The following SERTAD4 variants were observed in gnomAD, a reference collection of about 807,000 sequenced individuals.
The protein encoded by SERTAD4 is SERTA domain containing 4, also known as SERTA domain-containing protein 4.
Under a neutral mutation model 32.9 loss-of-function variants are expected in SERTAD4, and 18 were observed. That is an observed-to-expected ratio of 0.55 (90% CI 0.38 to 0.81). The LOEUF (loss-of-function observed/expected upper bound fraction) is 0.81. SERTAD4 is among the 30% of genes least tolerant of loss of function. SERTAD4 has a pLI of 0.00. For synonymous variants in SERTAD4, 150 were observed against 156.4 expected (o/e 0.96, Z 0.30); for missense variants, 383 against 426.0 (o/e 0.90, Z 0.89).
chr1:210,233,480 A>G (rs1434955171), intron 1 of SERTAD4, among the ~76,000 whole-genome samples: 1 of 152,088 alleles, frequency 6.6e-6, no homozygotes, highest in Non-Finnish European at 1.5e-5. Context: ...GTGGGGAGAG[A>G]GGGATTGTGG....
intron 1 of SERTAD4, among the ~76,000 whole-genome samples, chr1:210,235,245 G>A (rs926594695): frequency 2.0e-5 from 3 of 152,202 alleles, no homozygotes; most frequent in Non-Finnish European, 2.9e-5. Flanking sequence ...TTATCAGACA[G>A]AGAATTATGA....
chr1:210,233,664 C>G (rs565539414), intron 1 of SERTAD4: 2 of 470,068 alleles, frequency 4.3e-6, no homozygotes, highest in South Asian at 1.6e-5. Context: ...TGCTGCCCGC[C>G]TGGTCCACGC....
chr1:210,239,483 A>G lies in SERTAD4; in HGVS notation c.176-10A>G. The G allele has an allele frequency of 6.7e-7, 1 of 1,492,350 alleles. No homozygotes were observed. Among genetic ancestry groups the G allele is most frequent in the South Asian group, 1.2e-5 (1 of 86,418 alleles). 92.4% of individuals were successfully genotyped at this position (1,492,350 alleles called of 1,614,324 possible). A position where few individuals can be genotyped will look rare whatever the true frequency, so the allele number is the denominator to read the frequency against. ...GCATGTCATTTGTCATATCTGATTT[A>G]TTACCACAGGATCACATTACAGGGG... On this transcript the variant is annotated splice_polypyrimidine_tract_variant and intron_variant, in intron 2 of 3. Transcript: ENST00000367012.
chr1:210,235,281 G>A (rs989564998), intron 1 of SERTAD4, among the ~76,000 whole-genome samples: 2 of 152,086 alleles, frequency 1.3e-5, no homozygotes, highest in South Asian at 2.1e-4. Context: ...CATATAATAC[G>A]AAGAAAGATT....
chr1:210,241,535 T>TC, intron 3 of SERTAD4, 23 bp from the exon 4 acceptor site: 3 of 572,250 alleles, frequency 5.2e-6, no homozygotes, highest in Non-Finnish European at 7.4e-6. Context: ...TGTTTTTTTC[T>TC]TTTTTTTTTT....
At position 210,242,377 on chromosome 1, in the gene SERTAD4, T is replaced by G; in HGVS notation, c.*40T>G. 6.6e-7 allele frequency: 1 copy of G among 1,522,130 alleles called. No individual in the cohort carries two copies. Among genetic ancestry groups the G allele is most frequent in the Non-Finnish European group, 8.8e-7 (1 of 1,139,406 alleles). 94.3% of individuals were successfully genotyped at this position (1,522,130 alleles called of 1,614,324 possible). On this transcript the variant is annotated 3_prime_UTR_variant, in exon 4 of 4. Coordinates refer to ENST00000367012, the MANE Select transcript of SERTAD4 (RefSeq NM_019605.5). This position sits in a 1 kb window ranked among gnomAD's most constrained non-coding sequence, Gnocchi z 4.0. Reference sequence around the variant, plus strand: ...GAACTTTGAAGCATGCACAGCATGATCAGTTAGCTCTCGTAAATTTTATTT... The same window carrying G: ...GAACTTTGAAGCATGCACAGCATGAGCAGTTAGCTCTCGTAAATTTTATTT...
intron 1 of SERTAD4, chr1:210,233,661 C>T (rs774524646): frequency 2.1e-6 from 1 of 469,884 alleles, no homozygotes; most frequent in East Asian, 7.0e-5. Flanking sequence ...GGCTGCTGCC[C>T]GCCTGGTCCA....
chr1:210,242,624 A>G lies in SERTAD4; in HGVS notation c.*287A>G. 1 of 1,126,496 alleles carries G rather than the reference A, an allele frequency of 8.9e-7. No individual in the cohort carries two copies. Among genetic ancestry groups the G allele is most frequent in the Non-Finnish European group, 1.1e-6 (1 of 922,326 alleles). The allele number at this position is 1,126,496 out of a possible 1,614,324, so 69.8% of individuals were successfully genotyped here. A position where few individuals can be genotyped will look rare whatever the true frequency, so the allele number is the denominator to read the frequency against. On this transcript the variant is annotated 3_prime_UTR_variant, in exon 4 of 4. Coordinates refer to ENST00000367012, the MANE Select transcript of SERTAD4 (RefSeq NM_019605.5). This position sits in a 1 kb window ranked among gnomAD's most constrained non-coding sequence, Gnocchi z 4.0. ...GATCAGTAGATGAGATTGGGGGACA[A>G]TGTGCCCTTGCAATATTTCCATTGC... is the stretch of plus-strand genomic sequence containing the variant.
At chr1:210,233,238 C>A (rs1051077607) in intron 1 of SERTAD4, among the ~76,000 whole-genome samples, 1 of 152,048 alleles carries the variant, frequency 6.6e-6, no homozygotes, top group Non-Finnish European at 1.5e-5. Context: ...GCGGCGCGGG[C>A]TTTTCCCTGG....
chr1:210,239,500 T>C lies in SERTAD4; in HGVS notation c.183T>C (p.His61=). 1.3e-6 allele frequency: 2 copies of C among 1,580,852 alleles called. No individual in the cohort carries two copies. The highest frequency in any genetic ancestry group is 8.7e-7 in the Non-Finnish European group (1 of 1,151,798). ...RGAGPPLAGS[H]YRGISNPITT... ...TCTGATTTATTACCACAGGATCACA[T>C]TACAGGGGAATTTCAAATCCTATAA... Residue 61 remains histidine (H), a synonymous_variant, in exon 3 of 4, where the codon CAT becomes CAC. Transcript: ENST00000367012.
At chr1:210,240,463 G>C (rs1571549633) in intron 3 of SERTAD4, among the ~76,000 whole-genome samples, 1 of 152,310 alleles carries the variant, frequency 6.6e-6, no homozygotes, top group East Asian at 1.9e-4. Flanking sequence ...TGCATTGGTA[G>C]GTACTGGGCT....
intron 1 of SERTAD4, among the ~76,000 whole-genome samples, chr1:210,234,198 G>T (rs116479709): frequency 0.024 from 3,585 of 151,882 alleles, 159 homozygotes; most frequent in African/African-American, 0.082. Context: ...GACACCCCGG[G>T]GGTGTGTCTG....
intron 1 of SERTAD4, among the ~76,000 whole-genome samples, chr1:210,236,171 T>C (rs1447788427): frequency 6.6e-6 from 1 of 152,228 alleles, no homozygotes; most frequent in African/African-American, 2.4e-5. Context: ...CTAAATTTCT[T>C]TGTTGATGAC....
Position 210,243,183 on chromosome 1 carries a change from A to ACAT in SERTAD4, c.*848_*850dup, listed in dbSNP as rs1216808782. 1 of 949,080 alleles carries ACAT rather than the reference A, an allele frequency of 1.1e-6. No homozygotes were observed. Among genetic ancestry groups the ACAT allele is most frequent in the Non-Finnish European group, 1.3e-6 (1 of 798,566 alleles). 58.8% of individuals were successfully genotyped at this position (949,080 alleles called of 1,614,324 possible). On this transcript the variant is annotated 3_prime_UTR_variant, in exon 4 of 4. Coordinates refer to ENST00000367012, the MANE Select transcript of SERTAD4 (RefSeq NM_019605.5). ...ACTATTGTGTTCAGCTTTTGATTCG[A>ACAT]CATCTCTATTCTTTATTTTTGATGC... is the stretch of plus-strand genomic sequence containing the variant.
chr1:210,233,566 C>T, intron 1 of SERTAD4: 1 of 417,794 alleles, frequency 2.4e-6, no homozygotes, highest in South Asian at 1.7e-5. Flanking sequence ...CCACCTCCGC[C>T]CCCGCACCCT....
In SERTAD4 at chr1:210,241,715, G is replaced by A. The variant is rs1255918769; in HGVS notation, c.449G>A (p.Cys150Tyr). ...GAAATTATCATGCAGAATAACTGGT[G>A]CTTCCCTGCCTGCTCTTTCAATGGC... ...HGEIIMQNNW[C>Y]FPACSFNGTS... is the part of the protein sequence containing the mutation. The change falls in exon 4 of 4, where the codon TGC becomes TAC. Residue 150 changes from cysteine (C) to tyrosine (Y), a missense_variant. Physicochemically the swap from Cys to Tyr is radical, Grantham distance 194 (BLOSUM62 -2). Coordinates refer to ENST00000367012, the MANE Select transcript of SERTAD4 (RefSeq NM_019605.5). The A allele has an allele frequency of 6.2e-7, 1 of 1,614,020 alleles. No homozygotes were observed. Among genetic ancestry groups the A allele is most frequent in the Non-Finnish European group, 8.5e-7 (1 of 1,179,998 alleles).
At chr1:210,239,824 A>C (rs2083977761) in intron 3 of SERTAD4, among the ~76,000 whole-genome samples, 1 of 152,236 alleles carries the variant, frequency 6.6e-6, no homozygotes, top group Admixed American at 6.5e-5. Context: ...CTACCCAGAA[A>C]TGTCAAAATT....
chr1:210,237,515 G>A (rs1251734111), intron 1 of SERTAD4: 1 of 167,384 alleles, frequency 6.0e-6, no homozygotes, highest in Non-Finnish European at 1.3e-5. Flanking sequence ...TTGATTAGTG[G>A]ATTTCATCAA....
chr1:210,239,137 T>C (rs1260096675), intron 2 of SERTAD4, among the ~76,000 whole-genome samples: 1 of 152,216 alleles, frequency 6.6e-6, no homozygotes, highest in African/African-American at 2.4e-5. Flanking sequence ...TGGTGCTATG[T>C]TGTCATGAAT....
Sources: allele counts gnomAD v4.1 joint callset (sites outside exome capture counted in the v4.1 genomes callset), GRCh38; gene constraint gnomAD v4.1.1; non-coding constraint Gnocchi (gnomAD v3.1); transcripts MANE v1.5; gene names NCBI Gene and HGNC (gene_info 2026-07-23, HGNC 2026-07-21).